Variants in GRM8 observed in about 807,000 individuals in gnomAD.
GRM8 encodes the protein metabotropic glutamate receptor 8.
Under a neutral mutation model 87.2 loss-of-function variants are expected in GRM8, and 47 were observed. The ratio of observed to expected loss-of-function variants is 0.54; its 90% CI spans 0.43 to 0.69. GRM8 has a LOEUF of 0.69. Ranked by LOEUF, GRM8 falls within the 30% of genes least tolerant of loss-of-function variation. GRM8 has a pLI of 0.00. For missense variants in GRM8, 1,019 were observed against 1,139.2 expected, an observed-to-expected ratio of 0.89 and a Z score of 1.52; for synonymous variants, 396 against 404.5, an observed-to-expected ratio of 0.98 and a Z score of 0.25.
At chr7:126,967,095 A>T (rs915580256) in intron 3 of GRM8, among the ~76,000 whole-genome samples, 1 of 152,136 alleles carries the variant, frequency 6.6e-6, no homozygotes, top group Admixed American at 6.5e-5. Context: ...AACATAACCT[A>T]TATTAGGATC....
chr7:127,122,243 T>G (rs559401347), intron 2 of GRM8, among the ~76,000 whole-genome samples: 3 of 152,188 alleles, frequency 2.0e-5, no homozygotes, highest in Non-Finnish European at 4.4e-5. Flanking sequence ...ATCAACAGTC[T>G]ACCTAGTAAA....
chr7:126,855,722 G>A (rs139456699), intron 6 of GRM8, among the ~76,000 whole-genome samples: 1,933 of 152,122 alleles, frequency 0.013, 10 homozygotes, highest in Middle Eastern at 0.027. Flanking sequence ...GTGATAAACC[G>A]CCTTGGTCTC....
intron 8 of GRM8, among the ~76,000 whole-genome samples, chr7:126,584,074 G>A (rs1795868871): frequency 6.6e-6 from 1 of 152,028 alleles, no homozygotes; most frequent in African/African-American, 2.4e-5. Context: ...TCAACACAGA[G>A]GCAAGACCCT....
At chr7:126,587,391 G>A (rs1358426810) in intron 8 of GRM8, among the ~76,000 whole-genome samples, 6 of 152,152 alleles carry the variant, frequency 3.9e-5, no homozygotes, top group Admixed American at 1.3e-4. Context: ...TGTTTATTGC[G>A]GCACTATTCA....
In GRM8 at chr7:126,890,593, C is replaced by T. The variant is rs570495867; in HGVS notation, c.1156+11949G>A. 1.2e-3 allele frequency among the ~76,000 whole-genome samples: 190 copies of T among 152,156 alleles called. 1 individual carries two copies. The highest frequency in any genetic ancestry group is 4.5e-3 in the African/African-American group (187 of 41,524). Reference sequence around the variant, plus strand: ...CATATCTCACAGCCTCAAACTACTGCCTCCCACCCCCTGAGAGAGAATAAT... The same window carrying T: ...CATATCTCACAGCCTCAAACTACTGTCTCCCACCCCCTGAGAGAGAATAAT... On this transcript the variant is annotated intron_variant, in intron 6 of 10. Transcript: ENST00000339582.
chr7:126,485,414 A>T (rs1807243690), intron 9 of GRM8, among the ~76,000 whole-genome samples: 1 of 151,942 alleles, frequency 6.6e-6, no homozygotes, highest in African/African-American at 2.4e-5. Flanking sequence ...AAATAGCACA[A>T]GCTAAGGCAT....
At chr7:127,099,529 T>C (rs920395284) in intron 3 of GRM8, among the ~76,000 whole-genome samples, 9 of 152,156 alleles carry the variant, frequency 5.9e-5, no homozygotes, top group African/African-American at 1.4e-4. Context: ...ATCCCATCAC[T>C]TACCCCAGTC....
chr7:126,667,648 G>A (rs1203903801), intron 7 of GRM8, among the ~76,000 whole-genome samples: 1 of 152,186 alleles, frequency 6.6e-6, no homozygotes, highest in Non-Finnish European at 1.5e-5. Flanking sequence ...TCACCTTAAT[G>A]AAAAGGAAAA....
intron 9 of GRM8, among the ~76,000 whole-genome samples, chr7:126,452,734 C>T (rs1313923562): frequency 6.6e-6 from 1 of 151,664 alleles, no homozygotes; most frequent in Non-Finnish European, 1.5e-5. Flanking sequence ...TCTCCATCAG[C>T]AATGAACAGT....
intron 10 of GRM8, among the ~76,000 whole-genome samples, chr7:126,440,623 A>G (rs937892885): frequency 6.6e-6 from 1 of 152,044 alleles, no homozygotes; most frequent in Non-Finnish European, 1.5e-5. Flanking sequence ...TAGATATACA[A>G]ATATCATTGC....
At chr7:126,525,950 G>A (rs905400138) in intron 9 of GRM8, among the ~76,000 whole-genome samples, 27 of 152,002 alleles carry the variant, frequency 1.8e-4, no homozygotes, top group African/African-American at 5.8e-4. Flanking sequence ...TAGATAGCCC[G>A]GAATATATAT....
chr7:127,102,502 C>T (rs1439478703), intron 3 of GRM8, among the ~76,000 whole-genome samples: 1 of 152,244 alleles, frequency 6.6e-6, no homozygotes, highest in Non-Finnish European at 1.5e-5. Context: ...TGTGCAGCCT[C>T]AGGACACTGT....
intron 2 of GRM8, among the ~76,000 whole-genome samples, chr7:127,190,287 C>T (rs2116478054): frequency 1.3e-5 from 2 of 152,272 alleles, no homozygotes; most frequent in Middle Eastern, 3.4e-3. Context: ...CAAAGCAAGC[C>T]ACACAGCAGA....
intron 2 of GRM8, among the ~76,000 whole-genome samples, chr7:127,166,167 C>T (rs886797723): frequency 2.6e-5 from 4 of 152,094 alleles, no homozygotes; most frequent in Admixed American, 1.3e-4. Flanking sequence ...TAAAATAATA[C>T]AGGATACTTT....
intron 2 of GRM8, chr7:127,112,150 A>G (rs1826405348): frequency 6.6e-6 from 1 of 152,054 alleles, no homozygotes; most frequent in Non-Finnish European, 1.5e-5. Flanking sequence ...GCAACTGACC[A>G]CCTATCCCTC....
intron 6 of GRM8, among the ~76,000 whole-genome samples, chr7:126,898,838 T>A (rs1479724711): frequency 6.6e-6 from 1 of 152,176 alleles, no homozygotes; most frequent in Non-Finnish European, 1.5e-5. Context: ...GGTATACATG[T>A]ACCATGATGG....
At chr7:127,069,243 A>G (rs1052396946) in intron 3 of GRM8, among the ~76,000 whole-genome samples, 1 of 151,956 alleles carries the variant, frequency 6.6e-6, no homozygotes, top group African/African-American at 2.4e-5. Flanking sequence ...GCTCACTACA[A>G]CCTCCACCCT....
intron 3 of GRM8, among the ~76,000 whole-genome samples, chr7:126,963,994 G>T (rs2131706362): frequency 6.6e-6 from 1 of 152,152 alleles, no homozygotes; most frequent in South Asian, 2.1e-4. Flanking sequence ...CAGTACAGAG[G>T]CCTCAGAAAT....
At chr7:126,751,542 G>A (rs553499298) in intron 7 of GRM8, among the ~76,000 whole-genome samples, 1 of 152,214 alleles carries the variant, frequency 6.6e-6, no homozygotes, top group African/African-American at 2.4e-5. Flanking sequence ...GCATTATTTA[G>A]ACAGAAAAAC....
Sources: gnomAD v4.1 joint callset for allele counts (sites outside exome capture counted in the v4.1 genomes callset) on GRCh38, gnomAD v4.1.1 for gene constraint, MANE v1.5 for transcripts, NCBI Gene and HGNC (gene_info 2026-07-23, HGNC 2026-07-21) for gene names.